Variants in COX16 observed in about 807,000 individuals in gnomAD.
COX16 encodes cytochrome c oxidase assembly factor COX16.
Under a neutral mutation model 15.4 loss-of-function variants are expected in COX16, and 12 were observed. The observed-to-expected ratio is 0.78, with a 90% CI of 0.50 to 1.26. COX16 has a LOEUF of 1.26. Among genes scored for constraint, COX16 ranks in the 50% most tolerant of loss-of-function variants. The pLI is 0.00. For synonymous variants in COX16, 46 were observed against 41.1 expected, an observed-to-expected ratio of 1.12 and a Z score of -0.46; for missense variants, 124 against 127.6, an observed-to-expected ratio of 0.97 and a Z score of 0.14.
chr14:70,334,645 T>C (rs1004507466), intron 2 of COX16, among the ~76,000 whole-genome samples: 15 of 152,244 alleles, frequency 9.9e-5, no homozygotes, highest in Non-Finnish European at 1.9e-4. Flanking sequence ...TTCAAATAAG[T>C]TGTTATATCT....
At chr14:70,349,486 C>T (rs1226324401) in intron 1 of COX16, among the ~76,000 whole-genome samples, 1 of 152,172 alleles carries the variant, frequency 6.6e-6, no homozygotes. Flanking sequence ...TACAGGCCCA[C>T]CTTAATCAGC....
intron 1 of COX16, 41 bp downstream of exon 1, chr14:70,359,478 G>A (rs779764064): frequency 1.3e-6 from 2 of 1,558,636 alleles, no homozygotes; most frequent in African/African-American, 1.4e-5. Flanking sequence ...CCAAGGAGGA[G>A]GGTCCCACCC....
intron 1 of COX16, among the ~76,000 whole-genome samples, chr14:70,357,158 CAAAAAAAAAAAAAAAAAAA>C (rs4048531): frequency 2.5e-5 from 2 of 78,698 alleles, no homozygotes; most frequent in South Asian, 4.3e-4. Context: ...AAGCGTTTGT[CAAAAAAAAAAAAAAAAAAA>C]AAAAAAAAAA....
At chr14:70,348,878 A>T (rs565355415) in intron 1 of COX16, among the ~76,000 whole-genome samples, 1 of 152,170 alleles carries the variant, frequency 6.6e-6, no homozygotes, top group Non-Finnish European at 1.5e-5. Context: ...GGACAATCCT[A>T]TATCGGCTGG....
At chr14:70,349,673 A>G (rs1886887913) in intron 1 of COX16, among the ~76,000 whole-genome samples, 1 of 152,228 alleles carries the variant, frequency 6.6e-6, no homozygotes, top group Non-Finnish European at 1.5e-5. Context: ...TTTTGCCCTC[A>G]TAAGGCTCTG....
At chr14:70,336,270 CAAAAA>C (rs879393684) in intron 2 of COX16, among the ~76,000 whole-genome samples, 389 of 44,762 alleles carry the variant, frequency 8.7e-3, no homozygotes, top group Non-Finnish European at 0.015. Flanking sequence ...AAACAAAAAA[CAAAAA>C]CAAAAACAAA....
intron 1 of COX16, among the ~76,000 whole-genome samples, chr14:70,354,447 G>A (rs11623369): frequency 0.15 from 23,228 of 152,148 alleles, 1,909 homozygotes; most frequent in Middle Eastern, 0.19. Context: ...GAGAGCTGGA[G>A]ACAGTTCAGT....
intron 3 of COX16, among the ~76,000 whole-genome samples, chr14:70,327,429 T>C (rs1594904644): frequency 6.6e-6 from 1 of 152,022 alleles, no homozygotes; most frequent in African/African-American, 2.4e-5. Flanking sequence ...AAACTCTTCA[T>C]AGCATCATTA....
At chr14:70,335,249 T>C (rs1371544376) in intron 2 of COX16, among the ~76,000 whole-genome samples, 2 of 152,144 alleles carry the variant, frequency 1.3e-5, no homozygotes, top group African/African-American at 4.8e-5. Flanking sequence ...ATACATAATA[T>C]TGGGGGATTT....
chr14:70,359,683 T>C lies in COX16; in HGVS notation c.-96A>G. 11 of 1,072,054 alleles carry C rather than the reference T, an allele frequency of 1.0e-5. No individual in the cohort carries two copies. Among genetic ancestry groups the C allele is most frequent in the Non-Finnish European group, 1.6e-5 (11 of 704,036 alleles). 66.4% of individuals were successfully genotyped at this position (1,072,054 alleles called of 1,614,324 possible). A position where few individuals can be genotyped will look rare whatever the true frequency, so the allele number is the denominator to read the frequency against. On this transcript the variant is annotated 5_prime_UTR_variant, in exon 1 of 4. Transcript: ENST00000389912. ...GCTCTCACCAAGACGAGTACGTCCT[T>C]AACTCACTTCCTTTTCCTTGGTTAT... is the stretch of plus-strand genomic sequence containing the variant.
At chr14:70,353,257 C>CAAA (rs200170156) in intron 1 of COX16, among the ~76,000 whole-genome samples, 8 of 126,244 alleles carry the variant, frequency 6.3e-5, no homozygotes, top group Admixed American at 1.6e-4. Flanking sequence ...GAGACTCTGT[C>CAAA]AAAAAAAAAA....
At chr14:70,331,870 G>A (rs941285611) in intron 2 of COX16, among the ~76,000 whole-genome samples, 1 of 152,178 alleles carries the variant, frequency 6.6e-6, no homozygotes, top group African/African-American at 2.4e-5. Flanking sequence ...TCCCCCCATA[G>A]CAACAAGAAT....
At chr14:70,358,371 AT>A (rs34871293) in intron 1 of COX16, among the ~76,000 whole-genome samples, 7,117 of 93,940 alleles carry the variant, frequency 0.076, 115 homozygotes, top group Non-Finnish European at 0.1. Flanking sequence ...AAAAACAACA[AT>A]TTTTTTTTTT....
intron 3 of COX16, chr14:70,328,146 A>G (rs1886152213): frequency 7.6e-6 from 1 of 131,110 alleles, no homozygotes; most frequent in Admixed American, 9.2e-5. Context: ...GTGGCGCGAT[A>G]AGATTTTCTT....
At chr14:70,326,623 G>C (rs1026292468) in intron 3 of COX16, among the ~76,000 whole-genome samples, 174 bp from the exon 4 acceptor site, 1 of 152,134 alleles carries the variant, frequency 6.6e-6, no homozygotes, top group Non-Finnish European at 1.5e-5. Context: ...TTAAGATTTA[G>C]AACTTTTCAT....
chr14:70,329,716 T>C (rs1180462488), intron 2 of COX16, among the ~76,000 whole-genome samples: 1 of 97,926 alleles, frequency 1.0e-5, no homozygotes, highest in Admixed American at 1.2e-4. Flanking sequence ...GAAGTAGATA[T>C]CTACCAAAAA....
intron 1 of COX16, among the ~76,000 whole-genome samples, chr14:70,358,801 G>T (rs1887209368): frequency 6.6e-6 from 1 of 152,172 alleles, no homozygotes; most frequent in African/African-American, 2.4e-5. Context: ...GAGTCATCTG[G>T]ATTTCAACTC....
chr14:70,351,865 A>C (rs1886966765), intron 1 of COX16, among the ~76,000 whole-genome samples: 1 of 152,172 alleles, frequency 6.6e-6, no homozygotes, highest in African/African-American at 2.4e-5. Flanking sequence ...TTAATATTTA[A>C]TCATTTAATT....
chr14:70,327,233 G>C (rs1886109787), intron 3 of COX16, among the ~76,000 whole-genome samples: 1 of 152,128 alleles, frequency 6.6e-6, no homozygotes, highest in Non-Finnish European at 1.5e-5. Flanking sequence ...TTGACACTTG[G>C]ATACTAAGCA....
Sources: gnomAD v4.1 joint callset for allele counts (sites outside exome capture counted in the v4.1 genomes callset) on GRCh38, gnomAD v4.1.1 for gene constraint, MANE v1.5 for transcripts, NCBI Gene and HGNC (gene_info 2026-07-23, HGNC 2026-07-21) for gene names.